Variants in F8 observed in about 807,000 individuals in gnomAD.
The protein encoded by F8 is antihemophilic factor.
In F8, 12 loss-of-function variants were observed where a neutral mutation model predicts 140.6. That is an observed-to-expected ratio of 0.09 (90% CI 0.05 to 0.14). F8 has a LOEUF of 0.14. Among genes scored for constraint, F8 ranks in the 10% least tolerant of loss-of-function variants. The probability of loss-of-function intolerance (pLI) is 1.00; values close to 1 mark genes in which losing one functional copy is unlikely to be tolerated. For missense variants in F8, 1,354 were observed against 1,720.7 expected, an observed-to-expected ratio of 0.79 and a Z score of 3.77; for synonymous variants, 585 against 614.6, an observed-to-expected ratio of 0.95 and a Z score of 0.71.
In F8 at chrX:154,865,704, C is replaced by T. The variant is rs1185249712; in HGVS notation, c.6430-2477G>A. Among the ~76,000 whole-genome samples, 8 of 104,217 alleles carry T rather than the reference C, an allele frequency of 7.7e-5. No homozygotes were observed. In the East Asian group the frequency reaches 2.1e-3, roughly 27 times the overall value. 90.5% of individuals were successfully genotyped at this position (104,217 alleles called of 115,157 possible). ...GTGGTAACCCCCCCGACCGCCCCCC[C>T]ACACAGTAGATATACAGAAGATAAA... On this transcript the variant is annotated intron_variant, in intron 22 of 25. Transcript: ENST00000360256.
chrX:154,894,495 G>T (rs1603432736), intron 22 of F8, among the ~76,000 whole-genome samples: 2 of 111,037 alleles, frequency 1.8e-5, no homozygotes, highest in Non-Finnish European at 3.8e-5. Flanking sequence ...GAGGTGGGCG[G>T]ATCACCTGAG....
Position 154,931,575 on chromosome X carries a change from C to T in F8, c.2215G>A (p.Glu739Lys), listed in dbSNP as rs28937285. ...SCDKNTGDYY[E>K]DSYEDISAYL... ...GCTGAAATATCTTCATAACTGTCCTCGTAATAATCACCAGTGTTCTTGTCA... is the reference window on the plus strand; with the variant it reads ...GCTGAAATATCTTCATAACTGTCCTTGTAATAATCACCAGTGTTCTTGTCA... The change falls in exon 14 of 26, where the codon GAG (glutamate) becomes AAG (lysine). Residue 739 changes from glutamate (E) to lysine (K), a missense_variant. Coordinates refer to ENST00000360256, the MANE Select transcript of F8 (RefSeq NM_000132.4). The T allele has an allele frequency of 6.6e-6, 8 of 1,209,300 alleles. No homozygotes were observed. The highest frequency in any genetic ancestry group is 1.8e-5 in the South Asian group (1 of 56,799).
intron 22 of F8, among the ~76,000 whole-genome samples, chrX:154,893,230 C>A (rs2072957482): frequency 8.9e-6 from 1 of 112,225 alleles, no homozygotes; most frequent in African/African-American, 3.2e-5. Flanking sequence ...GGTCTTATGT[C>A]TCCCTAAAAT....
At chrX:154,983,266 C>T (rs1557283906) in intron 6 of F8, among the ~76,000 whole-genome samples, 1 of 111,874 alleles carries the variant, frequency 8.9e-6, no homozygotes, top group Non-Finnish European at 1.9e-5. Flanking sequence ...GTAAAATATA[C>T]ATATGTAATT....
chrX:154,967,551 C>T (rs782005470), intron 7 of F8, among the ~76,000 whole-genome samples: 13 of 112,005 alleles, frequency 1.2e-4, no homozygotes, highest in Non-Finnish European at 1.9e-4. Flanking sequence ...TAGCCTTAAA[C>T]ATAACTCAGT....
chrX:154,993,972 C>T (rs1219529190), intron 3 of F8, among the ~76,000 whole-genome samples: 1 of 112,307 alleles, frequency 8.9e-6, no homozygotes, highest in Non-Finnish European at 1.9e-5. Flanking sequence ...TTACCAGACT[C>T]AGCTACAAGC....
chrX:155,000,726 G>T (rs1195755034), intron 1 of F8, among the ~76,000 whole-genome samples: 1 of 112,290 alleles, frequency 8.9e-6, no homozygotes, highest in African/African-American at 3.2e-5. Context: ...CATGGAAAAG[G>T]AGAGATTTTT....
intron 24 of F8, 126 bp downstream of exon 24, chrX:154,861,592 C>T (rs2072691077): frequency 6.9e-6 from 6 of 874,473 alleles, no homozygotes; most frequent in Non-Finnish European, 1.0e-5. Flanking sequence ...AACCAAACTT[C>T]CTTGACACAC....
intron 22 of F8, among the ~76,000 whole-genome samples, chrX:154,869,394 C>A (rs1311795409): frequency 1.8e-5 from 2 of 111,913 alleles, no homozygotes; most frequent in Non-Finnish European, 3.8e-5. Flanking sequence ...AAGAAACACA[C>A]TCAAAACCAC....
chrX:154,991,451 T>A, intron 4 of F8, among the ~76,000 whole-genome samples: 1 of 112,439 alleles, frequency 8.9e-6, no homozygotes, highest in Middle Eastern at 4.6e-3. Context: ...TTTTTAAATA[T>A]CTGGGCTTTG....
intron 25 of F8, 92 bp downstream of exon 25, chrX:154,860,340 G>T: frequency 1.0e-6 from 1 of 956,476 alleles, no homozygotes; most frequent in African/African-American, 1.9e-5. Context: ...CTGAAAATTT[G>T]GTCATATATC....
intron 14 of F8, among the ~76,000 whole-genome samples, chrX:154,921,517 TC>T (rs1368699785): frequency 8.9e-6 from 1 of 111,860 alleles, no homozygotes; most frequent in Non-Finnish European, 1.9e-5. Flanking sequence ...GACCCAGCCA[TC>T]CCATTACTGG....
intron 13 of F8, among the ~76,000 whole-genome samples, chrX:154,940,147 G>A (rs782347161): frequency 4.5e-5 from 5 of 112,302 alleles, no homozygotes; most frequent in Non-Finnish European, 7.5e-5. Flanking sequence ...CACCAGCAAT[G>A]GAACAAAGCT....
intron 1 of F8, among the ~76,000 whole-genome samples, chrX:155,015,732 C>T (rs1322760681): frequency 2.7e-5 from 3 of 111,885 alleles, no homozygotes; most frequent in South Asian, 3.7e-4. Context: ...ACTTCAGTGA[C>T]AGGATCATTC....
At chrX:154,915,661 T>C (rs1181330429) in intron 14 of F8, among the ~76,000 whole-genome samples, 4 of 112,632 alleles carry the variant, frequency 3.6e-5, no homozygotes, top group African/African-American at 1.3e-4. Flanking sequence ...TTTTTGTATG[T>C]TGGTTTTGCT....
Position 154,961,149 on chromosome X carries a change from G to C in F8, c.1463C>G (p.Ala488Gly), listed in dbSNP as rs782485864. Residue 488 changes from alanine (A) to glycine (G), a missense_variant, in exon 10 of 26, where the codon GCA becomes GGA. Ala to Gly is a moderately conservative substitution (Grantham distance 60). Around this residue, in one of 4 missense-constraint regions of F8, gnomAD observed 252 missense variants for 338.5 expected, o/e 0.74. Coordinates refer to ENST00000360256, the MANE Select transcript of F8 (RefSeq NM_000132.4). ...AGGGTAGATGTTATATGGTCTGCTT[G>C]CTTGATTCTTAAATATAATCTGAAA... ...DTLLIIFKNQ[A>G]SRPYNIYPHG... 1.7e-6 allele frequency: 2 copies of C among 1,188,576 alleles called. No individual in the cohort carries two copies. The highest frequency in any genetic ancestry group is 1.8e-5 in the South Asian group (1 of 56,433).
At chrX:154,868,583 T>C (rs2072748695) in intron 22 of F8, among the ~76,000 whole-genome samples, 2 of 111,950 alleles carry the variant, frequency 1.8e-5, no homozygotes. Flanking sequence ...TACTAGCCAC[T>C]GCAAAAACAT....
chrX:154,966,721 T>C, intron 7 of F8, 34 bp from the exon 8 acceptor site: 1 of 1,201,853 alleles, frequency 8.3e-7, no homozygotes, highest in African/African-American at 1.7e-5. Context: ...TGTCAGAGTG[T>C]CTTGCTATAT....
intron 22 of F8, among the ~76,000 whole-genome samples, chrX:154,870,944 A>G (rs2072769411): frequency 8.9e-6 from 1 of 111,968 alleles, no homozygotes; most frequent in Admixed American, 9.5e-5. Flanking sequence ...ACTCCCATTC[A>G]CAATTGCTAC....
Sources: gnomAD v4.1 joint callset for allele counts (sites outside exome capture counted in the v4.1 genomes callset) on GRCh38, gnomAD v4.1.1 for gene constraint, gnomAD v4.1.1 regional missense constraint, MANE v1.5 for transcripts, NCBI Gene and HGNC (gene_info 2026-07-23, HGNC 2026-07-21) for gene names.